The following SLC35B1 variants were observed in gnomAD, a reference collection of about 807,000 sequenced individuals.
SLC35B1 encodes the protein ATP/ADP exchanger ER.
Under a neutral mutation model 36.6 loss-of-function variants are expected in SLC35B1, and 27 were observed. The observed-to-expected ratio is 0.74, with a 90% CI of 0.54 to 1.02. The LOEUF is 1.02. SLC35B1 is among the 50% of genes least tolerant of loss of function. SLC35B1 has a pLI of 0.00. For missense variants in SLC35B1, 321 were observed against 383.2 expected (o/e 0.84, Z 1.35); for synonymous variants, 162 against 152.5 (o/e 1.06, Z -0.46).
At chr17:49,707,116 C>T (rs748708284) in intron 1 of SLC35B1, 48 bp from the exon 2 acceptor site, 1 of 1,491,094 alleles carries the variant, frequency 6.7e-7, no homozygotes, top group Admixed American at 1.7e-5. Context: ...GTGTATTTCA[C>T]TCACTGTCAT....
Position 49,706,102 on chromosome 17 carries a change from C to CTTTTTTTT in SLC35B1, c.339+94_339+101dup. On this transcript the variant is annotated intron_variant, in intron 3 of 8. Transcript: ENST00000240333. ...TCCCAATGTCTTACAGGACCGTTATCTTTTTTTTTTTTTTTTTTTTAACTC... is the reference window on the plus strand; with the variant it reads ...TCCCAATGTCTTACAGGACCGTTATCTTTTTTTTTTTTTTTTTTTTTTTTTTTTAACTC... 9.6e-6 allele frequency: 8 copies of CTTTTTTTT among 837,374 alleles called. No homozygotes were observed. The South Asian group carries it at 1.1e-4, about 12-fold the overall frequency. 51.9% of individuals were successfully genotyped at this position (837,374 alleles called of 1,614,324 possible).
At chr17:49,701,812 G>A (rs2073353954) in intron 8 of SLC35B1, 1 of 341,114 alleles carries the variant, frequency 2.9e-6, no homozygotes, top group East Asian at 6.6e-5. Flanking sequence ...GGCTATGGCT[G>A]AATGTGGTGA....
chr17:49,702,891 T>A lies in SLC35B1; in HGVS notation c.883A>T (p.Met295Leu). Residue 295 changes from methionine to leucine, a missense_variant, in exon 8 of 9, where the codon ATG becomes TTG. Transcript: ENST00000240333. ...ACAAGCACAGTGCCCACCCACTGCATGGGGCTGATGGGATTGGCGAAGAGG... is the reference window on the plus strand; with the variant it reads ...ACAAGCACAGTGCCCACCCACTGCAAGGGGCTGATGGGATTGGCGAAGAGG... ...VILFANPISP[M>L]QWVGTVLVFL... 6.2e-7 allele frequency: 1 copy of A among 1,614,132 alleles called. No individual in the cohort carries two copies. Among genetic ancestry groups the A allele is most frequent in the Non-Finnish European group, 8.5e-7 (1 of 1,180,014 alleles).
chr17:49,702,825 C>T (rs1417993454), intron 8 of SLC35B1, 33 bp downstream of exon 8: 1 of 1,559,934 alleles, frequency 6.4e-7, no homozygotes, highest in African/African-American at 1.4e-5. Context: ...AGAAAAAATT[C>T]AGCTGTCACT....
At chr17:49,707,315 T>C (rs767058499) in intron 1 of SLC35B1, 4 of 1,445,426 alleles carry the variant, frequency 2.8e-6, no homozygotes, top group Middle Eastern at 3.6e-4. Context: ...AGAGGAAACA[T>C]GCAGAACGAG....
chr17:49,706,387 AAAAAC>A, intron 2 of SLC35B1, 53 bp from the exon 3 acceptor site: 1 of 1,428,238 alleles, frequency 7.0e-7, no homozygotes. Flanking sequence ...AAAAAAAAAA[AAAAAC>A]AAGAGAAACC....
chr17:49,703,806 T>C, intron 6 of SLC35B1: 1 of 404,786 alleles, frequency 2.5e-6, no homozygotes, highest in Non-Finnish European at 4.7e-6. Flanking sequence ...ACTACGTGTG[T>C]CTCATTTCCC....
At chr17:49,703,348 GCACACACACACA>G (rs10595474) in intron 6 of SLC35B1, 54 bp from the exon 7 acceptor site, 27 of 704,560 alleles carry the variant, frequency 3.8e-5, no homozygotes, top group South Asian at 1.2e-4. Context: ...CAAAATGTGC[GCACACACACACA>G]CACACACACA....
chr17:49,707,174 T>C (rs1488619291), intron 1 of SLC35B1, 106 bp from the exon 2 acceptor site: 3 of 1,341,594 alleles, frequency 2.2e-6, no homozygotes, highest in East Asian at 2.4e-5. Context: ...CTTGCCTCTC[T>C]GGATGTAGGC....
At chr17:49,707,993 G>A (rs1455933090), upstream of SLC35B1, 12 of 1,465,130 alleles carry the variant, frequency 8.2e-6, no homozygotes, top group East Asian at 1.5e-4. Context: ...GTCACTACCA[G>A]AACTGCCGGC....
In SLC35B1 at chr17:49,703,079, C is replaced by A; in HGVS notation, c.763-68G>T. The stretch of plus-strand genomic sequence containing the variant: ...CTGCCATTGGTCTAAAGTCTATAAA[C>A]AGACCTCAGGGCTAATCTTGCCACC... On this transcript the variant is annotated intron_variant, in intron 7 of 8. Coordinates refer to ENST00000240333, the MANE Select transcript of SLC35B1 (RefSeq NM_005827.4). 3 of 1,601,562 alleles carry A rather than the reference C, an allele frequency of 1.9e-6. No homozygotes were observed. In the South Asian group the frequency reaches 3.3e-5, roughly 18 times the overall value.
intron 8 of SLC35B1, chr17:49,701,743 G>A: frequency 2.1e-6 from 1 of 466,482 alleles, no homozygotes; most frequent in South Asian, 2.8e-5. Flanking sequence ...GATACAGATA[G>A]ATATAGATAC....
intron 2 of SLC35B1, 71 bp from the exon 3 acceptor site, chr17:49,706,405 GTGGGGC>G: frequency 7.2e-7 from 1 of 1,395,984 alleles, no homozygotes; most frequent in Non-Finnish European, 9.4e-7. Flanking sequence ...GAGAAACCTG[GTGGGGC>G]TAGGATGGAC....
At chr17:49,705,519 G>A in intron 4 of SLC35B1, 2 of 591,892 alleles carry the variant, frequency 3.4e-6, no homozygotes, top group Non-Finnish European at 6.0e-6. Flanking sequence ...GAAGGGACAG[G>A]ACAAGGGTAG....
At chr17:49,703,447 T>G in intron 6 of SLC35B1, 153 bp from the exon 7 acceptor site, 1 of 613,460 alleles carries the variant, frequency 1.6e-6, no homozygotes, top group Non-Finnish European at 3.0e-6. Flanking sequence ...TGGTGTGGGT[T>G]TGCATCGTCT....
In SLC35B1 at chr17:49,705,256, C is replaced by G. The variant is rs147270335; in HGVS notation, c.396G>C (p.Leu132Phe). ...ACTTGGCCAACGGGTACTTCTTCTT[C>G]AAGAGGGTCACCCCAAGGAGCATGA... ...IPVMLLGVTL[L>F]KKKYPLAKYL... The change falls in exon 5 of 9, where the codon TTG (leucine) becomes TTC (phenylalanine). Residue 132 changes from leucine (L) to phenylalanine (F), a missense_variant. Transcript: ENST00000240333. 1 of 1,614,172 alleles carries G rather than the reference C, an allele frequency of 6.2e-7. No homozygotes were observed. Among genetic ancestry groups the G allele is most frequent in the South Asian group, 1.1e-5 (1 of 91,084 alleles).
In SLC35B1 at chr17:49,705,167, A is replaced by G; in HGVS notation, c.485T>C (p.Val162Ala). 6.2e-7 allele frequency: 1 copy of G among 1,614,126 alleles called. No individual in the cohort carries two copies. ...GCCGACTGTGTGTTCTTCTATCCCA[A>G]CAACTTTCTTGGGTTTGTACATGAA... ...ALFMYKPKKV[V>A]GIEEHTVGYG... The change falls in exon 5 of 9, where the codon GTT becomes GCT. Residue 162 changes from valine (V) to alanine (A), a missense_variant. By Grantham distance (64) the Val-to-Ala change is moderately conservative. Transcript: ENST00000240333.
intron 6 of SLC35B1, 29 bp from the exon 7 acceptor site, chr17:49,703,323 C>T (rs762362969): frequency 1.0e-5 from 15 of 1,439,500 alleles, no homozygotes; most frequent in East Asian, 9.2e-5. Context: ...AAATGTACGG[C>T]GCATTTTGTG....
Position 49,702,909 on chromosome 17 carries a change from C to A in SLC35B1, c.865G>T (p.Ala289Ser). ...CACTGCATGGGGCTGATGGGATTGG[C>A]GAAGAGGATCACAGAGGCCAAAATT... ...FTILASVILFANPISPMQWVG... is the reference protein window; with the variant it reads ...FTILASVILFSNPISPMQWVG... The change falls in exon 8 of 9, where the codon GCC becomes TCC. Residue 289 changes from alanine (A) to serine (S), a missense_variant. Transcript: ENST00000240333. 1 of 1,613,908 alleles carries A rather than the reference C, an allele frequency of 6.2e-7. No homozygotes were observed. The highest frequency in any genetic ancestry group is 8.5e-7 in the Non-Finnish European group (1 of 1,179,994).
Sources: gnomAD v4.1 joint callset for allele counts on GRCh38, gnomAD v4.1.1 for gene constraint, MANE v1.5 for transcripts, NCBI Gene and HGNC (gene_info 2026-07-23, HGNC 2026-07-21) for gene names.